PHF2: variants seen among roughly 807,000 people sequenced by gnomAD.
PHF2 encodes PHD finger protein 2.
PHF2 carries 27 observed loss-of-function variants against 120.5 expected under a neutral mutation model. The ratio of observed to expected loss-of-function variants is 0.22; its 90% confidence interval spans 0.17 to 0.31. The LOEUF (loss-of-function observed/expected upper bound fraction) is 0.31, where lower values mean the gene tolerates loss of function less well. PHF2 is among the 10% of genes least tolerant of loss of function. The pLI is 1.00. For synonymous variants in PHF2, 568 were observed against 592.5 expected, an observed-to-expected ratio of 0.96 and a Z score of 0.60; for missense variants, 1,024 against 1,434.8, an observed-to-expected ratio of 0.71 and a Z score of 4.63.
At position 93,656,634 on chromosome 9, in the gene PHF2, T is replaced by C; in HGVS notation, c.1147+39T>C. On this transcript the variant is annotated intron_variant, in intron 9 of 21. Transcript: ENST00000359246. This position sits in a 1 kb window ranked among gnomAD's most constrained non-coding sequence, Gnocchi z 4.1. ...CGGGGTGGGCGTCCAAGCCTGGGGC[T>C]CTTGGCTGTGGGGGCAGCCAGACCT... 1 of 1,446,642 alleles carries C rather than the reference T, an allele frequency of 6.9e-7. No homozygotes were observed. Among genetic ancestry groups the C allele is most frequent in the Non-Finnish European group, 9.7e-7 (1 of 1,030,628 alleles). 89.6% of individuals were successfully genotyped at this position (1,446,642 alleles called of 1,614,324 possible).
intron 3 of PHF2, among the ~76,000 whole-genome samples, chr9:93,639,973 T>G (rs1185858378): frequency 6.6e-6 from 1 of 152,244 alleles, no homozygotes; most frequent in Non-Finnish European, 1.5e-5. Context: ...GAGATTTTCT[T>G]AAATAGATGT....
chr9:93,653,147 G>T (rs771679993), intron 5 of PHF2, 32 bp from the exon 6 acceptor site: 2 of 1,603,938 alleles, frequency 1.2e-6, no homozygotes, highest in South Asian at 1.1e-5. Context: ...GGAGTCCCAG[G>T]TTCCCTCACC....
intron 1 of PHF2, among the ~76,000 whole-genome samples, chr9:93,583,854 G>A (rs1336373479): frequency 7.8e-6 from 1 of 128,074 alleles, no homozygotes; most frequent in Admixed American, 8.6e-5. Flanking sequence ...TTGAGACGGA[G>A]TTTTGCCCTT....
chr9:93,617,030 G>A (rs1398731093), intron 1 of PHF2, among the ~76,000 whole-genome samples: 1 of 152,138 alleles, frequency 6.6e-6, no homozygotes, highest in East Asian at 1.9e-4. Flanking sequence ...AACTACAACA[G>A]AAGAAACCAG....
At chr9:93,604,117 A>T (rs1165487789) in intron 1 of PHF2, among the ~76,000 whole-genome samples, 1 of 152,108 alleles carries the variant, frequency 6.6e-6, no homozygotes, top group East Asian at 1.9e-4. Flanking sequence ...CACAGAGGGG[A>T]TTCTGAGATG....
chr9:93,592,952 C>CA (rs1825256182), intron 1 of PHF2, among the ~76,000 whole-genome samples: 1 of 152,058 alleles, frequency 6.6e-6, no homozygotes. Context: ...ATCCAGGCCC[C>CA]AGGCCCTGCA....
intron 1 of PHF2, among the ~76,000 whole-genome samples, chr9:93,598,988 T>C (rs1825383229): frequency 6.6e-6 from 1 of 152,178 alleles, no homozygotes; most frequent in Admixed American, 6.5e-5. Context: ...AGCATTGTTT[T>C]GTACTGTGCG....
At position 93,658,239 on chromosome 9, in the gene PHF2, A is replaced by G; in HGVS notation, c.1239+3A>G. On this transcript the variant is annotated splice_donor_region_variant and intron_variant, in intron 10 of 21. Coordinates refer to ENST00000359246, the MANE Select transcript of PHF2 (RefSeq NM_005392.4). ...TCCGATCGTGGACGAAGAAGCAGGT[A>G]GGAATCATGTCACAAATGCCCTAGG... 1 of 1,608,318 alleles carries G rather than the reference A, an allele frequency of 6.2e-7. No homozygotes were observed. Among genetic ancestry groups the G allele is most frequent in the Non-Finnish European group, 8.5e-7 (1 of 1,177,252 alleles).
At chr9:93,627,254 T>G (rs1230974380) in intron 1 of PHF2, among the ~76,000 whole-genome samples, 1 of 152,198 alleles carries the variant, frequency 6.6e-6, no homozygotes, top group East Asian at 1.9e-4. Flanking sequence ...TTTGATGGTA[T>G]TATAATGGTA....
intron 1 of PHF2, among the ~76,000 whole-genome samples, chr9:93,583,800 A>G (rs1239950656): frequency 6.7e-6 from 1 of 149,482 alleles, no homozygotes; most frequent in Non-Finnish European, 1.5e-5. Context: ...TATATAGTCT[A>G]GATACTGTAT....
intron 3 of PHF2, among the ~76,000 whole-genome samples, chr9:93,645,319 C>T (rs1469623320): frequency 6.6e-6 from 1 of 152,228 alleles, no homozygotes; most frequent in Non-Finnish European, 1.5e-5. Context: ...CTTGCTCAGG[C>T]CCAGGCGCCT....
intron 2 of PHF2, among the ~76,000 whole-genome samples, chr9:93,635,398 G>A (rs542612468): frequency 3.3e-5 from 5 of 152,126 alleles, no homozygotes; most frequent in African/African-American, 1.2e-4. Flanking sequence ...TGAAGGAAGG[G>A]CACAATACGG....
intron 17 of PHF2, among the ~76,000 whole-genome samples, chr9:93,670,006 A>C (rs752955116): frequency 3.3e-5 from 5 of 152,190 alleles, no homozygotes; most frequent in Non-Finnish European, 5.9e-5. Context: ...CTGGGTATAC[A>C]AGCCCCCATT....
At chr9:93,588,476 G>A (rs1222127215) in intron 1 of PHF2, among the ~76,000 whole-genome samples, 1 of 152,148 alleles carries the variant, frequency 6.6e-6, no homozygotes, top group East Asian at 1.9e-4. Context: ...GAGGTCAGAG[G>A]GCATAGACCT....
At position 93,677,050 on chromosome 9, in the gene PHF2, T is replaced by G; in HGVS notation, c.3202+87T>G. 1.4e-6 allele frequency: 2 copies of G among 1,384,702 alleles called. No homozygotes were observed. Among genetic ancestry groups the G allele is most frequent in the Non-Finnish European group, 1.9e-6 (2 of 1,039,834 alleles). 85.8% of individuals were successfully genotyped at this position (1,384,702 alleles called of 1,614,324 possible). On this transcript the variant is annotated intron_variant, in intron 21 of 21. Coordinates refer to ENST00000359246, the MANE Select transcript of PHF2 (RefSeq NM_005392.4). This position sits in a 1 kb window ranked among gnomAD's most constrained non-coding sequence, Gnocchi z 4.4. The stretch of plus-strand genomic sequence containing the variant: ...CCAGACATGCAGACTCGGCCCATGG[T>G]AGAGGGCAGCACATTGGGAGGGCTC...
Position 93,679,011 on chromosome 9 carries a change from A to G in PHF2, c.*1335A>G. The G allele has an allele frequency of 3.0e-6, 1 of 330,824 alleles. No homozygotes were observed. Among genetic ancestry groups the G allele is most frequent in the Non-Finnish European group, 5.8e-6 (1 of 171,148 alleles). 20.5% of individuals were successfully genotyped at this position (330,824 alleles called of 1,614,324 possible). The stretch of plus-strand genomic sequence containing the variant: ...GACACATTTTGAAGATGAATCTTCA[A>G]CTTTAATACCAGCTCTTTGTTTTCC... On this transcript the variant is annotated 3_prime_UTR_variant, in exon 22 of 22. Coordinates refer to ENST00000359246, the MANE Select transcript of PHF2 (RefSeq NM_005392.4).
At position 93,645,804 on chromosome 9, in the gene PHF2, C is replaced by T; in HGVS notation, c.460+15C>T. On this transcript the variant is annotated intron_variant, in intron 4 of 21. Coordinates refer to ENST00000359246, the MANE Select transcript of PHF2 (RefSeq NM_005392.4). ...GAACTACGTGGGTAAGCGCCATCCC[C>T]TTCACAGTGCTCTGGGGCTGGAGCT... 3.8e-6 allele frequency: 6 copies of T among 1,559,372 alleles called. No homozygotes were observed. Among genetic ancestry groups the T allele is most frequent in the Non-Finnish European group, 4.4e-6 (5 of 1,148,890 alleles).
intron 1 of PHF2, among the ~76,000 whole-genome samples, chr9:93,616,561 C>T (rs769672760): frequency 1.3e-5 from 2 of 152,102 alleles, no homozygotes; most frequent in Admixed American, 6.6e-5. Flanking sequence ...CTGCAGAGGG[C>T]GGCAAAGTAA....
chr9:93,622,841 C>A (rs1034669670), intron 1 of PHF2, among the ~76,000 whole-genome samples: 4 of 152,098 alleles, frequency 2.6e-5, no homozygotes, highest in African/African-American at 9.7e-5. Flanking sequence ...TAACTGAGCC[C>A]CGAGTCTGTC....
Sources: gnomAD v4.1 joint callset for allele counts (sites outside exome capture counted in the v4.1 genomes callset) on GRCh38, gnomAD v4.1.1 for gene constraint, Gnocchi (gnomAD v3.1) non-coding constraint, MANE v1.5 for transcripts, NCBI Gene and HGNC (gene_info 2026-07-23, HGNC 2026-07-21) for gene names.